DLGAP2: variants seen among roughly 807,000 people sequenced by gnomAD.
DLGAP2 encodes disks large-associated protein 2.
Under a neutral mutation model 100.3 loss-of-function variants are expected in DLGAP2, and 26 were observed. The observed-to-expected ratio is 0.26, with a 90% CI of 0.19 to 0.36. DLGAP2 has a LOEUF of 0.36. Ranked by LOEUF, DLGAP2 falls within the 10% of genes least tolerant of loss-of-function variation. DLGAP2 has a pLI of 1.00. For synonymous variants in DLGAP2, 886 were observed against 630.1 expected (o/e 1.41, Z -6.08); for missense variants, 1,858 against 1,453.2 (o/e 1.28, Z -4.53).
intron 2 of DLGAP2, among the ~76,000 whole-genome samples, chr8:962,713 A>T (rs1194782201): frequency 6.6e-6 from 1 of 152,068 alleles, no homozygotes; most frequent in Non-Finnish European, 1.5e-5. Context: ...CCCTCCCTGG[A>T]GACATGATGT....
intron 6 of DLGAP2, among the ~76,000 whole-genome samples, chr8:1,573,883 C>T (rs1276199690): frequency 6.6e-6 from 1 of 152,128 alleles, no homozygotes. Flanking sequence ...TGAGCTGACC[C>T]CTTAGAATCT....
At chr8:1,602,184 T>C (rs1365467114) in intron 6 of DLGAP2, among the ~76,000 whole-genome samples, 2 of 152,220 alleles carry the variant, frequency 1.3e-5, no homozygotes, top group East Asian at 3.8e-4. Flanking sequence ...TCGATATTAA[T>C]GTTTGTTGAA....
intron 2 of DLGAP2, among the ~76,000 whole-genome samples, chr8:1,240,736 G>A (rs1243530650): frequency 5.0e-5 from 7 of 139,026 alleles, no homozygotes; most frequent in South Asian, 2.6e-4. Context: ...ACATGGCGCC[G>A]TGTCTGGTTC....
chr8:986,169 G>C (rs370860246), intron 2 of DLGAP2, among the ~76,000 whole-genome samples: 1 of 152,160 alleles, frequency 6.6e-6, no homozygotes, highest in African/African-American at 2.4e-5. Context: ...AGTGTGACTG[G>C]TTGGGAAGAG....
chr8:1,344,735 C>T (rs1008151175), intron 3 of DLGAP2, among the ~76,000 whole-genome samples: 13 of 152,202 alleles, frequency 8.5e-5, no homozygotes, highest in Non-Finnish European at 2.9e-5. Flanking sequence ...TAACGCTGTG[C>T]TCGGCTCCAT....
At chr8:919,158 A>G (rs930778734) in intron 2 of DLGAP2, among the ~76,000 whole-genome samples, 3 of 152,222 alleles carry the variant, frequency 2.0e-5, no homozygotes, top group African/African-American at 7.2e-5. Context: ...CTAAAAATAC[A>G]TTATTATTTG....
intron 1 of DLGAP2, among the ~76,000 whole-genome samples, chr8:772,616 C>G (rs905391404): frequency 2.6e-5 from 4 of 152,248 alleles, no homozygotes; most frequent in Non-Finnish European, 5.9e-5. Flanking sequence ...AGCCACTGCA[C>G]ACTGCCTTAA....
chr8:1,183,594 C>T (rs1459865525), intron 2 of DLGAP2, among the ~76,000 whole-genome samples: 2 of 152,162 alleles, frequency 1.3e-5, no homozygotes, highest in African/African-American at 4.8e-5. Context: ...CTGCCCGGGG[C>T]CACAGAGGCG....
chr8:1,543,002 G>C (rs926116711), intron 4 of DLGAP2, among the ~76,000 whole-genome samples: 1 of 152,106 alleles, frequency 6.6e-6, no homozygotes, highest in Non-Finnish European at 1.5e-5. Context: ...TCGCCGTTAG[G>C]ACATCTTCTT....
chr8:844,414 C>A, intron 1 of DLGAP2, among the ~76,000 whole-genome samples: 1 of 152,228 alleles, frequency 6.6e-6, no homozygotes, highest in Middle Eastern at 3.2e-3. Context: ...AGACGACAGT[C>A]TCGATTGACC....
At chr8:1,483,712 C>CCAGGGAGGCAGGTGCAGGAG (rs1563176051) in intron 3 of DLGAP2, among the ~76,000 whole-genome samples, 107 of 7,484 alleles carry the variant, frequency 0.014, 1 homozygote, top group African/African-American at 0.023. Flanking sequence ...AGGTGCAGGA[C>CCAGGGAGGCAGGTGCAGGAG]GTGGGGACCA....
At chr8:957,805 C>T (rs1003417099) in intron 2 of DLGAP2, among the ~76,000 whole-genome samples, 1 of 151,930 alleles carries the variant, frequency 6.6e-6, no homozygotes, top group African/African-American at 2.4e-5. Context: ...TAATATGTGT[C>T]TAATTGGTAT....
chr8:1,548,275 C>T (rs2404621), intron 4 of DLGAP2, among the ~76,000 whole-genome samples: 79,576 of 149,968 alleles, frequency 0.53, 21,474 homozygotes, highest in African/African-American at 0.61. Flanking sequence ...GCCTGACCAA[C>T]ATGGCGAAAC....
intron 2 of DLGAP2, among the ~76,000 whole-genome samples, chr8:1,171,766 C>T (rs902027251): frequency 4.9e-4 from 74 of 151,744 alleles, no homozygotes; most frequent in African/African-American, 1.8e-3. Context: ...TTATTTTGAG[C>T]CTATATGTGT....
At chr8:811,166 G>A (rs1320026969) in intron 1 of DLGAP2, among the ~76,000 whole-genome samples, 2 of 152,258 alleles carry the variant, frequency 1.3e-5, no homozygotes, top group Admixed American at 6.5e-5. Context: ...GCCTGTGGGC[G>A]CGAGCAAGTA....
chr8:1,588,879 G>A (rs569079348), intron 6 of DLGAP2, among the ~76,000 whole-genome samples: 159 of 152,030 alleles, frequency 1.0e-3, no homozygotes, highest in Middle Eastern at 3.4e-3. Flanking sequence ...CCGAGATCAC[G>A]CCACTGCACT....
At chr8:1,536,831 A>G (rs1801168704) in intron 4 of DLGAP2, among the ~76,000 whole-genome samples, 2 of 152,140 alleles carry the variant, frequency 1.3e-5, no homozygotes, top group African/African-American at 4.8e-5. Flanking sequence ...ACACCATTGA[A>G]CTAATTCCTC....
chr8:1,508,792 G>T (rs1800048309), intron 4 of DLGAP2, among the ~76,000 whole-genome samples: 1 of 151,632 alleles, frequency 6.6e-6, no homozygotes, highest in African/African-American at 2.4e-5. Context: ...AAATGAGTGC[G>T]GACTAAGCGC....
chr8:872,942 T>G (rs13275254), intron 1 of DLGAP2, among the ~76,000 whole-genome samples: 2 of 151,926 alleles, frequency 1.3e-5, no homozygotes, highest in Admixed American at 6.6e-5. Context: ...CAAAAGGCTA[T>G]TTTTGCCTAT....
Sources: allele counts gnomAD v4.1 joint callset (sites outside exome capture counted in the v4.1 genomes callset), GRCh38; gene constraint gnomAD v4.1.1; transcripts MANE v1.5; gene names NCBI Gene and HGNC (gene_info 2026-07-23, HGNC 2026-07-21).